Variants in STXBP4 observed in about 807,000 individuals in gnomAD.
STXBP4 encodes the protein syntaxin binding protein 4.
Under a neutral mutation model 76.1 loss-of-function variants are expected in STXBP4, and 55 were observed. The observed-to-expected ratio is 0.72, with a 90% CI of 0.58 to 0.91. The LOEUF is 0.91. STXBP4 is among the 40% of genes least tolerant of loss of function. The pLI is 0.00. For missense variants in STXBP4, 618 were observed against 636.9 expected (o/e 0.97, Z 0.32); for synonymous variants, 201 against 220.2 (o/e 0.91, Z 0.77).
chr17:55,209,834 G>T, the STXBP4 span, among the ~76,000 whole-genome samples: 1 of 152,154 alleles, frequency 6.6e-6, no homozygotes, highest in Non-Finnish European at 1.5e-5. Flanking sequence ...TCCCTCTTCC[G>T]AGGGGATTTT....
chr17:54,973,266 A>G (rs1190693426), intron 1 of STXBP4, among the ~76,000 whole-genome samples: 3 of 152,200 alleles, frequency 2.0e-5, no homozygotes, highest in South Asian at 2.1e-4. Context: ...ACAACTTGCT[A>G]TTTTTACTGC....
intron 16 of STXBP4, among the ~76,000 whole-genome samples, chr17:55,089,339 CA>C (rs1300675915): frequency 6.6e-5 from 10 of 152,186 alleles, no homozygotes; most frequent in Admixed American, 5.9e-4. Context: ...AACTTGGATA[CA>C]TTTGAAAATA....
At position 55,042,192 on chromosome 17, in the gene STXBP4, G is replaced by A. The variant is rs374838465; in HGVS notation, c.856-1044G>A. ...GAGTTTATTATATCCATTCCACCAC[G>A]TTTTTTGTTGAATCTTTAATAAAAA... On this transcript the variant is annotated intron_variant, in intron 10 of 17. Coordinates refer to ENST00000376352, the MANE Select transcript of STXBP4 (RefSeq NM_178509.6). Among the ~76,000 whole-genome samples, 17 of 152,186 alleles carry A rather than the reference G, an allele frequency of 1.1e-4. No homozygotes were observed. In the East Asian group the frequency reaches 2.5e-3, roughly 22 times the overall value.
chr17:55,040,384 G>A (rs979465830), intron 10 of STXBP4, among the ~76,000 whole-genome samples: 1 of 152,098 alleles, frequency 6.6e-6, no homozygotes, highest in African/African-American at 2.4e-5. Flanking sequence ...AGGTGAATAG[G>A]ATGGTAAAGT....
chr17:55,196,318 C>T, the STXBP4 span, among the ~76,000 whole-genome samples: 7 of 152,236 alleles, frequency 4.6e-5, no homozygotes, highest in Middle Eastern at 3.4e-3. Flanking sequence ...CTGCCTAGCA[C>T]GTACCATTCC....
Position 55,170,247 on chromosome 17 carries a change from G to A in STXBP4, c.*10336G>A, listed in dbSNP as rs538005113. 42 of 152,126 alleles carry A rather than the reference G, an allele frequency of 2.8e-4. No homozygotes were observed. The highest frequency in any genetic ancestry group is 9.4e-4 in the African/African-American group (39 of 41,560). 9.4% of individuals were successfully genotyped at this position (152,126 alleles called of 1,614,324 possible). ...AGCATGATTTAAAATAGAAATGATT[G>A]CCTAAATTCCTGAAAACAGGGGAAT... is the stretch of plus-strand genomic sequence containing the variant. On this transcript the variant is annotated 3_prime_UTR_variant, in exon 18 of 18. Transcript: ENST00000376352.
At chr17:55,026,190 G>A (rs902524934) in intron 8 of STXBP4, among the ~76,000 whole-genome samples, 7 of 152,118 alleles carry the variant, frequency 4.6e-5, no homozygotes, top group South Asian at 2.1e-4. Flanking sequence ...TACTCCCCAC[G>A]TCGGTATACA....
In STXBP4 at chr17:55,157,716, AT is replaced by A. The variant is rs1410256502; in HGVS notation, c.1548-2078del. 1.2e-4 allele frequency among the ~76,000 whole-genome samples: 18 copies of A among 152,306 alleles called. 1 individual carries two copies. The highest frequency in any genetic ancestry group is 6.8e-3 in the Middle Eastern group (2 of 294). The stretch of plus-strand genomic sequence containing the variant: ...AATATTTAAACAGAGGAGCTGAACA[AT>A]TTGTGTAGGGGGAACATGAACAAAA... On this transcript the variant is annotated intron_variant, in intron 17 of 17. Coordinates refer to ENST00000376352, the MANE Select transcript of STXBP4 (RefSeq NM_178509.6).
intron 16 of STXBP4, among the ~76,000 whole-genome samples, chr17:55,088,526 A>G (rs2079367833): frequency 6.6e-6 from 1 of 152,114 alleles, no homozygotes. Flanking sequence ...CCTCCTGAGT[A>G]GCTGGGATTA....
the STXBP4 span, among the ~76,000 whole-genome samples, chr17:55,185,326 T>TCTCCTCCTCCTCCTCCTCCTC: frequency 5.7e-3 from 424 of 74,586 alleles, 25 homozygotes; most frequent in Non-Finnish European, 8.7e-3. Flanking sequence ...TCCTTCTCCT[T>TCTCCTCCTCCTCCTCCTCCTC]CTCCTCCTCC....
At chr17:55,154,927 A>G (rs1359752074) in intron 17 of STXBP4, among the ~76,000 whole-genome samples, 1 of 152,082 alleles carries the variant, frequency 6.6e-6, no homozygotes, top group East Asian at 1.9e-4. Flanking sequence ...TACCATAAAT[A>G]TATAATAAAA....
Position 54,970,841 on chromosome 17 carries a change from A to G in STXBP4, c.-157+2026A>G, listed in dbSNP as rs184293543. The stretch of plus-strand genomic sequence containing the variant: ...TAATTGCAAAATGAAACTCTTATGT[A>G]CAGTGATATTGATAGCAATGAAGTG... On this transcript the variant is annotated intron_variant, in intron 1 of 17. Coordinates refer to ENST00000376352, the MANE Select transcript of STXBP4 (RefSeq NM_178509.6). Among the ~76,000 whole-genome samples the G allele has an allele frequency of 1.1e-4, 17 of 152,344 alleles. No individual in the cohort carries two copies. The East Asian group carries it at 3.1e-3, about 28-fold the overall frequency.
chr17:55,117,647 T>C (rs1028110829), intron 16 of STXBP4, among the ~76,000 whole-genome samples: 18 of 151,968 alleles, frequency 1.2e-4, no homozygotes, highest in South Asian at 8.3e-4. Context: ...ACTGAACATC[T>C]GCTTTACAAG....
the STXBP4 span, among the ~76,000 whole-genome samples, chr17:55,205,150 A>C: frequency 6.6e-6 from 1 of 152,150 alleles, no homozygotes; most frequent in Admixed American, 6.5e-5. Context: ...ATTTTTGTTT[A>C]ATTCAGGAGA....
At chr17:55,128,862 T>C (rs2079941633) in intron 16 of STXBP4, among the ~76,000 whole-genome samples, 1 of 150,814 alleles carries the variant, frequency 6.6e-6, no homozygotes, top group South Asian at 2.1e-4. Context: ...TGATTCGCCC[T>C]CCTTGGCCTC....
chr17:55,086,460 C>G (rs549734150), intron 16 of STXBP4, among the ~76,000 whole-genome samples: 4 of 152,270 alleles, frequency 2.6e-5, no homozygotes, highest in African/African-American at 9.6e-5. Context: ...TAACTATACT[C>G]ATCCTGCACT....
At chr17:55,021,118 G>A (rs2078303196) in intron 8 of STXBP4, among the ~76,000 whole-genome samples, 1 of 152,050 alleles carries the variant, frequency 6.6e-6, no homozygotes, top group African/African-American at 2.4e-5. Flanking sequence ...CCATTTTACT[G>A]AAAGTGTTCA....
At chr17:55,043,745 A>G in intron 11 of STXBP4, 4 of 1,106,714 alleles carry the variant, frequency 3.6e-6, no homozygotes, top group Non-Finnish European at 5.1e-6. Flanking sequence ...TGCTAACGTA[A>G]TTTGGAATTA....
chr17:55,177,059 A>T (rs985980146), downstream of STXBP4, among the ~76,000 whole-genome samples: 6 of 152,014 alleles, frequency 3.9e-5, no homozygotes, highest in African/African-American at 1.5e-4. Context: ...TCTCCAGCTT[A>T]CAGAGGCATC....
Sources: allele counts gnomAD v4.1 joint callset (sites outside exome capture counted in the v4.1 genomes callset), GRCh38; gene constraint gnomAD v4.1.1; transcripts MANE v1.5; gene names NCBI Gene and HGNC (gene_info 2026-07-23, HGNC 2026-07-21).